EVL: variants seen among roughly 807,000 people sequenced by gnomAD.
The protein encoded by EVL is ena/VASP-like protein.
Under a neutral mutation model 59.6 loss-of-function variants are expected in EVL, and 21 were observed. That is an observed-to-expected ratio of 0.35 (90% confidence interval 0.25 to 0.51). EVL has a LOEUF of 0.51. EVL is among the 20% of genes least tolerant of loss of function. The pLI, the probability that EVL is intolerant of heterozygous loss-of-function variation, is 0.97. For missense variants in EVL, 462 were observed against 546.6 expected (o/e 0.85, Z 1.54); for synonymous variants, 198 against 203.5 (o/e 0.97, Z 0.23).
intron 1 of EVL, among the ~76,000 whole-genome samples, chr14:100,073,396 A>T (rs2062091825): frequency 6.8e-6 from 1 of 146,018 alleles, no homozygotes. Flanking sequence ...AACACGGTTC[A>T]CTGCAACCTT....
At position 99,972,869 on chromosome 14, in the gene EVL, A is replaced by G. The variant is rs2060744531; in HGVS notation, c.5+812A>G. On this transcript the variant is annotated intron_variant, in intron 1 of 13. Coordinates refer to the EVL transcript ENST00000402714. This position sits in a 1 kb window ranked among gnomAD's most constrained non-coding sequence, Gnocchi z 4.4. ...CTCGTAAAAACTGTAGTTTGTAACTATAGTTTCGTTTTGCCTGTTTTGTAT... is the reference window on the plus strand; with the variant it reads ...CTCGTAAAAACTGTAGTTTGTAACTGTAGTTTCGTTTTGCCTGTTTTGTAT... Among the ~76,000 whole-genome samples the G allele has an allele frequency of 6.6e-6, 1 of 151,698 alleles. No individual in the cohort carries two copies. Among genetic ancestry groups the G allele is most frequent in the South Asian group, 2.1e-4 (1 of 4,804 alleles).
In EVL at chr14:100,097,387, C is replaced by T. The variant is rs1262903818; in HGVS notation, c.181-94C>T. 14 of 1,136,088 alleles carry T rather than the reference C, an allele frequency of 1.2e-5. 1 individual carries two copies. Among genetic ancestry groups the T allele is most frequent in the South Asian group, 4.8e-5 (3 of 62,814 alleles). 70.4% of individuals were successfully genotyped at this position (1,136,088 alleles called of 1,614,324 possible). On this transcript the variant is annotated intron_variant, in intron 2 of 13. Transcript: ENST00000392920. ...AACCCCATCCCCATCTTCCTGTCCTCTCAAGGATACAGTATACTTGCTCCA... is the reference window on the plus strand; with the variant it reads ...AACCCCATCCCCATCTTCCTGTCCTTTCAAGGATACAGTATACTTGCTCCA...
intron 1 of EVL, among the ~76,000 whole-genome samples, chr14:100,007,635 A>G (rs954195616): frequency 6.6e-6 from 1 of 152,260 alleles, no homozygotes; most frequent in Non-Finnish European, 1.5e-5. Flanking sequence ...CTGATCTCAG[A>G]AGTAGCCAAA....
chr14:100,016,308 A>C (rs2061049739), intron 1 of EVL, among the ~76,000 whole-genome samples: 1 of 152,034 alleles, frequency 6.6e-6, no homozygotes, highest in Non-Finnish European at 1.5e-5. Context: ...AGGAGGGTGG[A>C]CCACAAGGTC....
chr14:100,039,962 C>A (rs1361729675), intron 1 of EVL, among the ~76,000 whole-genome samples: 1 of 152,106 alleles, frequency 6.6e-6, no homozygotes, highest in East Asian at 1.9e-4. Flanking sequence ...AACTTTTTTG[C>A]AGAGATGGAG....
chr14:100,010,935 G>T (rs138582762), intron 1 of EVL, among the ~76,000 whole-genome samples: 1 of 152,304 alleles, frequency 6.6e-6, no homozygotes, highest in African/African-American at 2.4e-5. Flanking sequence ...AGAGAATGCA[G>T]AGAGGCACTG....
upstream of EVL, among the ~76,000 whole-genome samples, chr14:100,062,382 T>G (rs958698798): frequency 6.6e-6 from 1 of 151,922 alleles, no homozygotes; most frequent in Non-Finnish European, 1.5e-5. Context: ...ACTCTAAGTG[T>G]ACCCTACAAA....
At chr14:100,131,607 G>C (rs938562367) in intron 7 of EVL, among the ~76,000 whole-genome samples, 1 of 152,228 alleles carries the variant, frequency 6.6e-6, no homozygotes, top group African/African-American at 2.4e-5. Context: ...CAGGTGGCTT[G>C]GTCAGCGTTC....
chr14:100,035,758 C>A (rs950330492), intron 1 of EVL, among the ~76,000 whole-genome samples: 1 of 152,128 alleles, frequency 6.6e-6, no homozygotes, highest in Admixed American at 6.5e-5. Flanking sequence ...TAGAAAGATA[C>A]GTGTTTTGCC....
At chr14:100,110,727 G>A (rs1321410708) in intron 3 of EVL, among the ~76,000 whole-genome samples, 1 of 152,192 alleles carries the variant, frequency 6.6e-6, no homozygotes, top group Admixed American at 6.5e-5. Flanking sequence ...TGCTGCCATT[G>A]TCCTCCTCAA....
In EVL at chr14:100,130,778, A is replaced by G. The variant is rs1595239943; in HGVS notation, c.839+1094A>G. 1.3e-5 allele frequency among the ~76,000 whole-genome samples: 2 copies of G among 152,094 alleles called. No individual in the cohort carries two copies. Among genetic ancestry groups the G allele is most frequent in the South Asian group, 4.1e-4 (2 of 4,828 alleles). On this transcript the variant is annotated intron_variant, in intron 7 of 13. Coordinates refer to ENST00000392920, the MANE Select transcript of EVL (RefSeq NM_016337.3). The surrounding 1 kb of genome is among the most constrained non-coding windows in gnomAD (Gnocchi z 4.8). ...TTGCATCACAGATGGCAGGGAGGGG[A>G]GGCTCCCCGTGTGTCAGGGAGCAGC...
chr14:100,028,140 T>TGTTTG (rs202176816), intron 1 of EVL, among the ~76,000 whole-genome samples: 53 of 149,112 alleles, frequency 3.6e-4, no homozygotes, highest in Admixed American at 1.3e-3. Context: ...GTTTGTTTTT[T>TGTTTG]TTTTTTTTTT....
At chr14:100,007,811 CAG>C (rs886083190) in intron 1 of EVL, among the ~76,000 whole-genome samples, 28 of 151,554 alleles carry the variant, frequency 1.8e-4, no homozygotes, top group Admixed American at 3.9e-4. Context: ...CAGACAGAGA[CAG>C]AGAGAGAAAG....
chr14:100,061,713 A>G (rs887558690), upstream of EVL, among the ~76,000 whole-genome samples: 3 of 152,168 alleles, frequency 2.0e-5, no homozygotes, highest in Admixed American at 2.0e-4. Flanking sequence ...CCCTACCAAT[A>G]ACATAAGCAG....
intron 1 of EVL, among the ~76,000 whole-genome samples, chr14:100,069,840 A>G (rs189411979): frequency 6.6e-6 from 1 of 152,324 alleles, no homozygotes; most frequent in Non-Finnish European, 1.5e-5. Context: ...TCTCAGTGTT[A>G]TACACCAACC....
intron 1 of EVL, among the ~76,000 whole-genome samples, chr14:100,075,238 TC>T (rs2062136446): frequency 6.6e-6 from 1 of 152,184 alleles, no homozygotes. Context: ...AAAGCCCCTG[TC>T]TCCTCCTGTG....
intron 3 of EVL, among the ~76,000 whole-genome samples, chr14:100,119,270 C>T (rs879418341): frequency 6.6e-6 from 1 of 152,168 alleles, no homozygotes; most frequent in East Asian, 1.9e-4. Flanking sequence ...TTTGACTTGA[C>T]AAAATTTGTC....
rs192202801 is a variant in EVL, at chr14:100,095,028, G to A, written c.181-2453G>A. On this transcript the variant is annotated intron_variant, in intron 2 of 13. Coordinates refer to ENST00000392920, the MANE Select transcript of EVL (RefSeq NM_016337.3). ...TGCACTCCAGCCTGGGTGACAGAGC[G>A]AGACTCCGTCTAAAAAAACAAAACA... 1.9e-3 allele frequency among the ~76,000 whole-genome samples: 283 copies of A among 152,200 alleles called. 1 individual carries two copies. The highest frequency in any genetic ancestry group is 4.0e-3 in the Admixed American group (61 of 15,280).
intron 2 of EVL, among the ~76,000 whole-genome samples, chr14:100,093,266 C>G (rs2062602705): frequency 6.6e-6 from 1 of 152,182 alleles, no homozygotes; most frequent in South Asian, 2.1e-4. Context: ...AGCCATTTGG[C>G]TTACAGGGAT....
Sources: allele counts gnomAD v4.1 joint callset (sites outside exome capture counted in the v4.1 genomes callset), GRCh38; gene constraint gnomAD v4.1.1; non-coding constraint Gnocchi (gnomAD v3.1); transcripts MANE v1.5; gene names NCBI Gene and HGNC (gene_info 2026-07-23, HGNC 2026-07-21).